ATG4A: variants seen among roughly 807,000 people sequenced by gnomAD.
The protein encoded by ATG4A is autophagy related 4A cysteine peptidase.
In ATG4A, 22 loss-of-function variants were observed where a neutral mutation model predicts 38.4. That is an observed-to-expected ratio of 0.57 (90% CI 0.41 to 0.82). ATG4A has a LOEUF of 0.82. ATG4A is among the 40% of genes least tolerant of loss of function. The pLI is 0.00. For missense variants in ATG4A, 220 were observed against 290.0 expected (o/e 0.76, Z 1.75); for synonymous variants, 86 against 100.7 (o/e 0.85, Z 0.88).
chrX:108,126,611 G>A (rs933789013), intron 2 of ATG4A, among the ~76,000 whole-genome samples: 2 of 111,248 alleles, frequency 1.8e-5, no homozygotes, highest in African/African-American at 6.5e-5. Flanking sequence ...AACACCCAAG[G>A]ACTTCTAGAC....
In ATG4A at chrX:108,091,821, T is replaced by G. The variant is rs761703386; in HGVS notation, c.-6T>G. On this transcript the variant is annotated 5_prime_UTR_variant, in exon 1 of 13. Transcript: ENST00000372232. The stretch of plus-strand genomic sequence containing the variant: ...GGTGGAATTGGCCCAGGATGACAGC[T>G]GGAGAATGGAGTCAGGTACGGGGAG... 2 of 1,211,445 alleles carry G rather than the reference T, an allele frequency of 1.7e-6. No individual in the cohort carries two copies. Among genetic ancestry groups the G allele is most frequent in the South Asian group, 3.5e-5 (2 of 56,955 alleles).
rs770819396 is a variant in ATG4A, at chrX:108,128,896, A to G, written c.193+44A>G. On this transcript the variant is annotated intron_variant, in intron 3 of 12. Coordinates refer to ENST00000372232, the MANE Select transcript of ATG4A (RefSeq NM_052936.5). ...TTACTGTGCTTTATTCCTTGTGGAT[A>G]GCTTGCCTGAGGTTATCAGTGACTT... 4.2e-6 allele frequency: 4 copies of G among 953,536 alleles called. No individual in the cohort carries two copies. In the African/African-American group the frequency reaches 7.9e-5, roughly 19 times the overall value. 78.6% of individuals were successfully genotyped at this position (953,536 alleles called of 1,213,427 possible).
chrX:108,121,144 T>C (rs762878464), intron 1 of ATG4A, among the ~76,000 whole-genome samples: 2 of 111,528 alleles, frequency 1.8e-5, no homozygotes, highest in East Asian at 5.7e-4. Flanking sequence ...CAAATGAAGA[T>C]GGGGCAAGGC....
intron 1 of ATG4A, among the ~76,000 whole-genome samples, chrX:108,121,316 T>A (rs891171399): frequency 4.4e-4 from 49 of 111,541 alleles, no homozygotes; most frequent in African/African-American, 1.6e-3. Flanking sequence ...TCATGCCTGT[T>A]TTCAAAAGCC....
intron 1 of ATG4A, 132 bp downstream of exon 1, chrX:108,091,968 C>T: frequency 9.5e-7 from 1 of 1,057,941 alleles, no homozygotes; most frequent in Non-Finnish European, 1.3e-6. Flanking sequence ...AGGTCCTGTC[C>T]CCCGGGGTTC....
At chrX:108,146,691 G>T (rs2033430904) in intron 9 of ATG4A, among the ~76,000 whole-genome samples, 1 of 111,648 alleles carries the variant, frequency 9.0e-6, no homozygotes, top group African/African-American at 3.3e-5. Flanking sequence ...CAGCTGGGAT[G>T]AATAGGTCTG....
At chrX:108,096,541 T>C (rs1369087666) in intron 1 of ATG4A, among the ~76,000 whole-genome samples, 1 of 112,405 alleles carries the variant, frequency 8.9e-6, no homozygotes, top group African/African-American at 3.2e-5. Flanking sequence ...ACCATAAAAA[T>C]GCATCAAGTA....
upstream of ATG4A, chrX:108,091,545 C>A (rs1228203647): frequency 5.9e-6 from 7 of 1,188,855 alleles, no homozygotes; most frequent in Non-Finnish European, 6.9e-6. Context: ...AACTACTTGT[C>A]GCGCGAGCAA....
chrX:108,106,473 A>G (rs1298500070), intron 1 of ATG4A, among the ~76,000 whole-genome samples: 4 of 112,057 alleles, frequency 3.6e-5, no homozygotes, highest in African/African-American at 1.3e-4. Flanking sequence ...ATTTGGTACT[A>G]TTTTTTACTC....
At chrX:108,143,826 A>T (rs762096424) in intron 9 of ATG4A, 7 of 139,729 alleles carry the variant, frequency 5.0e-5, no homozygotes, top group Non-Finnish European at 7.1e-5. Flanking sequence ...GGACCTGTGA[A>T]TCCTGGCTAT....
intron 6 of ATG4A, 40 bp from the exon 7 acceptor site, chrX:108,137,051 A>AT: frequency 9.0e-7 from 1 of 1,116,948 alleles, no homozygotes; most frequent in Non-Finnish European, 1.2e-6. Flanking sequence ...TGATATTTCC[A>AT]TCTTCCCAAA....
At chrX:108,120,296 T>C (rs2032616654) in intron 1 of ATG4A, among the ~76,000 whole-genome samples, 1 of 112,183 alleles carries the variant, frequency 8.9e-6, no homozygotes, top group South Asian at 3.7e-4. Context: ...CTTTCAAAGC[T>C]AGTCTTTTTA....
At chrX:108,125,625 C>T (rs1339484821) in intron 1 of ATG4A, among the ~76,000 whole-genome samples, 1 of 111,756 alleles carries the variant, frequency 8.9e-6, no homozygotes, top group Non-Finnish European at 1.9e-5. Context: ...TACAAACATT[C>T]AGGCTTGTCA....
intron 1 of ATG4A, among the ~76,000 whole-genome samples, chrX:108,095,052 T>C (rs1205767641): frequency 9.1e-6 from 1 of 110,487 alleles, no homozygotes; most frequent in Non-Finnish European, 1.9e-5. Context: ...CCTCCCAGGC[T>C]CAAGCGATTC....
At chrX:108,093,588 T>C (rs1050186723) in intron 1 of ATG4A, among the ~76,000 whole-genome samples, 2 of 111,660 alleles carry the variant, frequency 1.8e-5, no homozygotes, top group Admixed American at 1.9e-4. Context: ...TACTTAAGGG[T>C]GGAGTTACTG....
At chrX:108,152,521 G>A (rs1346897087) in intron 11 of ATG4A, among the ~76,000 whole-genome samples, 5 of 111,990 alleles carry the variant, frequency 4.5e-5, no homozygotes, top group African/African-American at 1.3e-4. Flanking sequence ...ATGAGTCACC[G>A]TGCCCAGCTA....
intron 3 of ATG4A, among the ~76,000 whole-genome samples, chrX:108,129,731 C>T (rs1452290941): frequency 2.7e-5 from 3 of 109,665 alleles, no homozygotes; most frequent in Non-Finnish European, 3.8e-5. Context: ...CCAACACGCC[C>T]GGCTAATTTT....
intron 1 of ATG4A, among the ~76,000 whole-genome samples, chrX:108,122,094 G>A (rs1569305484): frequency 8.9e-6 from 1 of 111,783 alleles, no homozygotes; most frequent in Non-Finnish European, 1.9e-5. Context: ...GAGAGTTTGT[G>A]GTGCTTCTTT....
chrX:108,115,180 A>G (rs1344156360), intron 1 of ATG4A, among the ~76,000 whole-genome samples: 2 of 107,540 alleles, frequency 1.9e-5, no homozygotes, highest in African/African-American at 6.8e-5. Context: ...ATTCAGAACT[A>G]TGTTTCTGCT....
Sources: allele counts gnomAD v4.1 joint callset (sites outside exome capture counted in the v4.1 genomes callset), GRCh38; gene constraint gnomAD v4.1.1; transcripts MANE v1.5; gene names NCBI Gene and HGNC (gene_info 2026-07-23, HGNC 2026-07-21).